LSAMP: variants seen among roughly 807,000 people sequenced by gnomAD.
The protein encoded by LSAMP is limbic system-associated membrane protein.
Under a neutral mutation model 38.6 loss-of-function variants are expected in LSAMP, and 7 were observed. The ratio of observed to expected loss-of-function variants is 0.18; its 90% CI spans 0.10 to 0.34. LSAMP has a LOEUF of 0.34. Among genes scored for constraint, LSAMP ranks in the 10% least tolerant of loss-of-function variants. LSAMP has a pLI of 1.00. For synonymous variants in LSAMP, 154 were observed against 166.8 expected, an observed-to-expected ratio of 0.92 and a Z score of 0.59; for missense variants, 313 against 420.0, an observed-to-expected ratio of 0.75 and a Z score of 2.23.
chr3:116,335,606 A>C (rs1239049728), intron 1 of LSAMP, among the ~76,000 whole-genome samples: 1 of 152,014 alleles, frequency 6.6e-6, no homozygotes, highest in Non-Finnish European at 1.5e-5. Flanking sequence ...TGCTAAACCT[A>C]TCATCTGTTC....
intron 3 of LSAMP, among the ~76,000 whole-genome samples, chr3:115,865,726 G>T (rs897578402): frequency 1.3e-5 from 2 of 152,118 alleles, no homozygotes; most frequent in Admixed American, 6.6e-5. Context: ...AACCTACCAG[G>T]TGATACTCCA....
intron 2 of LSAMP, among the ~76,000 whole-genome samples, chr3:116,029,411 T>G (rs1270124454): frequency 6.6e-6 from 1 of 152,114 alleles, no homozygotes; most frequent in Non-Finnish European, 1.5e-5. Context: ...CAGGTGAAGC[T>G]GAGGGTAGAA....
intron 1 of LSAMP, among the ~76,000 whole-genome samples, chr3:116,111,877 A>T (rs7632265): frequency 0.16 from 24,929 of 152,236 alleles, 2,130 homozygotes; most frequent in Non-Finnish European, 0.19. Flanking sequence ...GTTGGAACAA[A>T]ATCAAGGGGA....
chr3:116,070,196 G>C (rs1383135062), intron 2 of LSAMP, among the ~76,000 whole-genome samples: 1 of 152,146 alleles, frequency 6.6e-6, no homozygotes, highest in African/African-American at 2.4e-5. Context: ...GGGACACTGG[G>C]AGGCTAAAGT....
chr3:115,888,198 T>C (rs2107451060), intron 3 of LSAMP, among the ~76,000 whole-genome samples: 1 of 152,114 alleles, frequency 6.6e-6, no homozygotes, highest in South Asian at 2.1e-4. Context: ...ATTGTTCCAT[T>C]TTCTTCTCAT....
chr3:115,882,125 A>C (rs535204356), intron 3 of LSAMP, among the ~76,000 whole-genome samples: 1 of 152,106 alleles, frequency 6.6e-6, no homozygotes, highest in Admixed American at 6.6e-5. Flanking sequence ...GAGTTTTCCT[A>C]AGGCAATATT....
chr3:116,353,760 T>C (rs891281833), intron 1 of LSAMP, among the ~76,000 whole-genome samples: 2 of 152,120 alleles, frequency 1.3e-5, no homozygotes, highest in African/African-American at 4.8e-5. Context: ...TGAAATGCAT[T>C]GATTTTATAA....
chr3:116,255,127 C>T (rs1202038208), intron 1 of LSAMP, among the ~76,000 whole-genome samples: 1 of 151,954 alleles, frequency 6.6e-6, no homozygotes, highest in Non-Finnish European at 1.5e-5. Context: ...TAGACAAGGC[C>T]CTCCTCTTCT....
intron 3 of LSAMP, among the ~76,000 whole-genome samples, chr3:115,985,849 G>C (rs4831219): frequency 0.36 from 54,841 of 152,058 alleles, 9,948 homozygotes; most frequent in African/African-American, 0.39. Flanking sequence ...TGACGGTTTG[G>C]TTGCAATCTC....
At chr3:115,935,358 G>T (rs999894795) in intron 3 of LSAMP, among the ~76,000 whole-genome samples, 2 of 152,092 alleles carry the variant, frequency 1.3e-5, no homozygotes, top group African/African-American at 2.4e-5. Flanking sequence ...GTGGCCGGGT[G>T]GGGGGATAAA....
At chr3:116,370,816 A>G (rs1462559681) in intron 1 of LSAMP, among the ~76,000 whole-genome samples, 2 of 152,206 alleles carry the variant, frequency 1.3e-5, no homozygotes, top group Non-Finnish European at 2.9e-5. Context: ...GATCAACAAC[A>G]TTGACAAACT....
chr3:116,081,572 G>C (rs1393586947), intron 2 of LSAMP, among the ~76,000 whole-genome samples: 1 of 152,134 alleles, frequency 6.6e-6, no homozygotes, highest in Non-Finnish European at 1.5e-5. Context: ...TAGGATTAAT[G>C]AGATATAGGA....
chr3:116,375,209 C>T (rs762177157), intron 1 of LSAMP, among the ~76,000 whole-genome samples: 19 of 151,916 alleles, frequency 1.3e-4, no homozygotes, highest in Non-Finnish European at 2.4e-4. Context: ...GTGGCTATTT[C>T]AACCACTGTT....
intron 1 of LSAMP, among the ~76,000 whole-genome samples, chr3:116,144,499 G>A (rs1036466295): frequency 1.3e-5 from 2 of 151,520 alleles, no homozygotes; most frequent in Admixed American, 1.3e-4. Context: ...TTCCAGCCTG[G>A]GTGACAGAGT....
intron 1 of LSAMP, among the ~76,000 whole-genome samples, chr3:116,089,714 C>T (rs1708076184): frequency 6.6e-6 from 1 of 151,712 alleles, no homozygotes; most frequent in African/African-American, 2.4e-5. Flanking sequence ...AGCACCAGAA[C>T]ACAATACAGT....
At chr3:116,440,868 T>C (rs1007171481) in intron 1 of LSAMP, among the ~76,000 whole-genome samples, 4 of 152,192 alleles carry the variant, frequency 2.6e-5, no homozygotes, top group Non-Finnish European at 5.9e-5. Flanking sequence ...CCACAGTTTG[T>C]TTCAAATAGT....
intron 1 of LSAMP, among the ~76,000 whole-genome samples, chr3:116,146,796 C>G (rs1709500389): frequency 6.6e-6 from 1 of 151,766 alleles, no homozygotes; most frequent in East Asian, 1.9e-4. Context: ...AGAATCATAT[C>G]AATTTGGTAA....
At chr3:116,156,563 G>C (rs995438029) in intron 1 of LSAMP, among the ~76,000 whole-genome samples, 2 of 152,038 alleles carry the variant, frequency 1.3e-5, no homozygotes, top group Non-Finnish European at 1.5e-5. Flanking sequence ...ATTAAGTCAG[G>C]CTTTATTGAT....
At chr3:115,856,652 C>A (rs978883281) in intron 3 of LSAMP, among the ~76,000 whole-genome samples, 7 of 151,828 alleles carry the variant, frequency 4.6e-5, no homozygotes, top group African/African-American at 1.7e-4. Flanking sequence ...ACAGAAACTC[C>A]AGAGAGTTCC....
Sources: gnomAD v4.1 joint callset for allele counts (sites outside exome capture counted in the v4.1 genomes callset) on GRCh38, gnomAD v4.1.1 for gene constraint, MANE v1.5 for transcripts, NCBI Gene and HGNC (gene_info 2026-07-23, HGNC 2026-07-21) for gene names.